Variants in FSTL5 observed in about 807,000 individuals in gnomAD.
FSTL5 encodes the protein follistatin like 5.
A neutral mutation model predicts 89.1 loss-of-function variants in FSTL5; 62 were observed. The ratio of observed to expected loss-of-function variants is 0.70; its 90% CI spans 0.57 to 0.86. FSTL5 has a LOEUF of 0.86. Among genes scored for constraint, FSTL5 ranks in the 40% least tolerant of loss-of-function variants. FSTL5 has a pLI of 0.00. For synonymous variants in FSTL5, 383 were observed against 346.2 expected (o/e 1.11, Z -1.18); for missense variants, 1,057 against 1,001.6 (o/e 1.06, Z -0.75).
At chr4:161,736,917 A>G (rs1405733235) in intron 6 of FSTL5, among the ~76,000 whole-genome samples, 1 of 152,126 alleles carries the variant, frequency 6.6e-6, no homozygotes, top group Non-Finnish European at 1.5e-5. Context: ...TTAGTGAGCA[A>G]TACTCTAAGT....
intron 9 of FSTL5, among the ~76,000 whole-genome samples, chr4:161,540,290 C>G (rs2126542029): frequency 6.6e-6 from 1 of 152,248 alleles, no homozygotes; most frequent in East Asian, 1.9e-4. Flanking sequence ...CTAGGACATT[C>G]AAAACTACTT....
chr4:161,697,591 A>G (rs1414289878), intron 6 of FSTL5, among the ~76,000 whole-genome samples: 2 of 152,224 alleles, frequency 1.3e-5, no homozygotes, highest in Non-Finnish European at 2.9e-5. Context: ...GGTAAGTTAT[A>G]GAATCCACGT....
intron 4 of FSTL5, among the ~76,000 whole-genome samples, chr4:161,845,344 G>A (rs916776257): frequency 5.3e-5 from 8 of 152,114 alleles, no homozygotes; most frequent in Non-Finnish European, 1.2e-4. Context: ...AAATATAACA[G>A]GCTCTTAAAA....
At chr4:161,992,857 AAAAAATATAT>A (rs1736152892) in intron 3 of FSTL5, among the ~76,000 whole-genome samples, 2 of 12,800 alleles carry the variant, frequency 1.6e-4, no homozygotes, top group Non-Finnish European at 2.8e-4. Flanking sequence ...CAAAAAAAAA[AAAAAATATAT>A]ATATATATAT....
intron 10 of FSTL5, among the ~76,000 whole-genome samples, chr4:161,515,145 A>G (rs1730773136): frequency 6.6e-6 from 1 of 151,912 alleles, no homozygotes; most frequent in Non-Finnish European, 1.5e-5. Flanking sequence ...TGTACATTAA[A>G]TTAAAAAAAA....
intron 12 of FSTL5, among the ~76,000 whole-genome samples, chr4:161,486,299 A>T (rs1411410072): frequency 6.6e-6 from 1 of 152,192 alleles, no homozygotes; most frequent in Non-Finnish European, 1.5e-5. Context: ...TAACATGTAT[A>T]CATCCAACTT....
intron 10 of FSTL5, among the ~76,000 whole-genome samples, chr4:161,521,790 A>C (rs1731038110): frequency 7.3e-6 from 1 of 137,256 alleles, no homozygotes; most frequent in Non-Finnish European, 1.5e-5. Flanking sequence ...CGGAGGTTGC[A>C]GTGAGCCGAG....
At chr4:161,890,686 TAAA>T (rs5863497) in intron 4 of FSTL5, among the ~76,000 whole-genome samples, 3 of 115,020 alleles carry the variant, frequency 2.6e-5, no homozygotes, top group Admixed American at 1.9e-4. Context: ...AGACTCTGTC[TAAA>T]AAAAAAAAAA....
intron 7 of FSTL5, among the ~76,000 whole-genome samples, chr4:161,626,928 T>C (rs573723766): frequency 6.6e-6 from 1 of 152,266 alleles, no homozygotes; most frequent in South Asian, 2.1e-4. Flanking sequence ...GTTGCTACAG[T>C]AGCACTATAA....
intron 1 of FSTL5, among the ~76,000 whole-genome samples, chr4:162,161,638 A>G (rs557600397): frequency 4.4e-4 from 67 of 152,116 alleles, no homozygotes; most frequent in African/African-American, 1.5e-3. Context: ...ATACTTGAAT[A>G]AAGACATACA....
At chr4:162,061,830 G>A (rs1738727595) in intron 2 of FSTL5, among the ~76,000 whole-genome samples, 1 of 152,004 alleles carries the variant, frequency 6.6e-6, no homozygotes, top group African/African-American at 2.4e-5. Context: ...TGAAATTGTG[G>A]TTAAATATGT....
intron 4 of FSTL5, among the ~76,000 whole-genome samples, chr4:161,842,862 A>G (rs1440588): frequency 0.24 from 36,895 of 151,948 alleles, 4,657 homozygotes; most frequent in Non-Finnish European, 0.26. Context: ...GAATTATCCA[A>G]AAGAATTACT....
rs151164877 is a variant in FSTL5, at chr4:161,453,637, C to T, written c.1841+1367G>A. Among the ~76,000 whole-genome samples, 318 of 152,046 alleles carry T rather than the reference C, an allele frequency of 2.1e-3. 3 individuals are homozygous for T. The highest frequency in any genetic ancestry group is 7.3e-3 in the African/African-American group (304 of 41,456). On this transcript the variant is annotated intron_variant, in intron 15 of 15. Transcript: ENST00000306100. ...TTTTGACAGGGTCTGGCTCTGTTGCCGAGGCTGGAGCACAAGGTGTGACCT... is the reference window on the plus strand; with the variant it reads ...TTTTGACAGGGTCTGGCTCTGTTGCTGAGGCTGGAGCACAAGGTGTGACCT...
At chr4:161,839,815 T>A (rs1290121774) in intron 4 of FSTL5, among the ~76,000 whole-genome samples, 1 of 152,162 alleles carries the variant, frequency 6.6e-6, no homozygotes, top group African/African-American at 2.4e-5. Flanking sequence ...TTTGCTAAAA[T>A]TCAAAGGACT....
chr4:162,038,826 G>A (rs1018005546), intron 2 of FSTL5, among the ~76,000 whole-genome samples: 1 of 151,808 alleles, frequency 6.6e-6, no homozygotes, highest in Non-Finnish European at 1.5e-5. Context: ...TCTGGAAAGT[G>A]AAGAAATCAT....
At chr4:161,467,478 GAT>G (rs2126426422) in intron 13 of FSTL5, among the ~76,000 whole-genome samples, 1 of 152,164 alleles carries the variant, frequency 6.6e-6, no homozygotes, top group Admixed American at 6.5e-5. Flanking sequence ...GTAAATGTGT[GAT>G]GTCTTTATAC....
intron 7 of FSTL5, among the ~76,000 whole-genome samples, chr4:161,617,253 A>T (rs1217472068): frequency 6.6e-6 from 1 of 152,138 alleles, no homozygotes; most frequent in African/African-American, 2.4e-5. Context: ...CCTTGTAAGT[A>T]TTTAGTGTAA....
intron 3 of FSTL5, among the ~76,000 whole-genome samples, chr4:161,983,364 C>T (rs1735878353): frequency 6.6e-6 from 1 of 152,118 alleles, no homozygotes; most frequent in East Asian, 1.9e-4. Context: ...TAATATTCTT[C>T]CCTTCCTAGC....
intron 4 of FSTL5, among the ~76,000 whole-genome samples, chr4:161,789,743 T>A (rs373903922): frequency 5.5e-4 from 84 of 152,288 alleles, no homozygotes; most frequent in Middle Eastern, 3.4e-3. Context: ...CATTCTTTTG[T>A]TTAAGAAAAG....
Sources: allele counts gnomAD v4.1 joint callset (sites outside exome capture counted in the v4.1 genomes callset), GRCh38; gene constraint gnomAD v4.1.1; transcripts MANE v1.5; gene names NCBI Gene and HGNC (gene_info 2026-07-23, HGNC 2026-07-21).